CGN: variants seen among roughly 807,000 people sequenced by gnomAD.
CGN encodes cingulin.
In CGN, 121 loss-of-function variants were observed where a neutral mutation model predicts 157.1. The ratio of observed to expected loss-of-function variants is 0.77; its 90% CI spans 0.66 to 0.90. The LOEUF is 0.90. Among genes scored for constraint, CGN ranks in the 40% least tolerant of loss-of-function variants. CGN has a pLI of 0.00. For missense variants in CGN, 1,424 were observed against 1,520.9 expected (o/e 0.94, Z 1.06); for synonymous variants, 535 against 607.5 (o/e 0.88, Z 1.76).
At chr1:151,516,433 T>C (rs1032667703) in intron 1 of CGN, among the ~76,000 whole-genome samples, 3 of 152,136 alleles carry the variant, frequency 2.0e-5, no homozygotes, top group African/African-American at 7.2e-5. Flanking sequence ...TTCCATTTGC[T>C]GACTCTGAGC....
intron 1 of CGN, among the ~76,000 whole-genome samples, chr1:151,517,624 C>T (rs565040760): frequency 1.3e-5 from 2 of 151,614 alleles, no homozygotes; most frequent in Non-Finnish European, 2.9e-5. Flanking sequence ...AATTCTTCTG[C>T]TTCAGCCTCC....
chr1:151,512,833 C>A (rs1407744995), intron 1 of CGN, among the ~76,000 whole-genome samples: 3 of 152,248 alleles, frequency 2.0e-5, no homozygotes, highest in Non-Finnish European at 2.9e-5. Flanking sequence ...ATTTGCCCGA[C>A]TCTAAGAGGA....
At chr1:151,521,053 T>G (rs936317799) in intron 5 of CGN, among the ~76,000 whole-genome samples, 2 of 152,216 alleles carry the variant, frequency 1.3e-5, no homozygotes, top group African/African-American at 4.8e-5. Context: ...TTATTGAGTA[T>G]AATTTTGGTA....
rs918400696 is a variant in CGN, at chr1:151,518,628, C to T, written c.109C>T (p.Arg37Ter). Residue 37 changes from arginine to a stop codon, truncating the protein, a stop_gained, in exon 2 of 21, where the codon CGA becomes TGA. Coordinates refer to ENST00000271636, the MANE Select transcript of CGN (RefSeq NM_020770.3). LOFTEE classifies it high-confidence loss of function. ...VSGAEMGTLR[R>*]GGRRPAKDAR... is the part of the protein sequence containing the mutation. ...TGGTGCAGAGATGGGCACTCTACGT[C>T]GAGGTGGACGACGCCCAGCTAAGGA... 3.7e-6 allele frequency: 6 copies of T among 1,613,948 alleles called. No individual in the cohort carries two copies. Among genetic ancestry groups the T allele is most frequent in the East Asian group, 2.2e-5 (1 of 44,888 alleles).
intron 14 of CGN, among the ~76,000 whole-genome samples, chr1:151,533,143 A>G (rs1664876426): frequency 6.6e-6 from 1 of 152,212 alleles, no homozygotes; most frequent in African/African-American, 2.4e-5. Context: ...CAGAATTTAA[A>G]AAAACTCCTC....
intron 15 of CGN, 28 bp downstream of exon 15, chr1:151,534,164 A>G (rs762852750): frequency 1.9e-6 from 3 of 1,545,310 alleles, no homozygotes; most frequent in Non-Finnish European, 1.7e-6. Flanking sequence ...TGACCTGTGG[A>G]AAAAGGGTGG....
chr1:151,530,715 T>C lies in CGN; in HGVS notation c.2540T>C (p.Leu847Pro). Reference protein sequence around the residue: ...KAELEEQKRLLDRTVDRLNKE... With the variant: ...KAELEEQKRLPDRTVDRLNKE... ...GAGCTGGAGGAGCAGAAGCGTTTGC[T>C]GGACAGGACTGTGGACCGACTGAAC... The change falls in exon 13 of 21, where the codon CTG (leucine) becomes CCG (proline). Residue 847 changes from leucine (L) to proline (P), a missense_variant. Transcript: ENST00000271636. 1 of 1,553,304 alleles carries C rather than the reference T, an allele frequency of 6.4e-7. No individual in the cohort carries two copies. The highest frequency in any genetic ancestry group is 8.7e-7 in the Non-Finnish European group (1 of 1,147,766).
intron 1 of CGN, among the ~76,000 whole-genome samples, chr1:151,517,548 T>C (rs1238699292): frequency 2.6e-5 from 4 of 151,002 alleles, no homozygotes; most frequent in Non-Finnish European, 5.9e-5. Flanking sequence ...TTTGCTTTTG[T>C]CACCCAAGCT....
At position 151,520,221 on chromosome 1, in the gene CGN, G is replaced by T; in HGVS notation, c.929G>T (p.Ser310Ile). 1 of 1,613,872 alleles carries T rather than the reference G, an allele frequency of 6.2e-7. No individual in the cohort carries two copies. The highest frequency in any genetic ancestry group is 1.1e-5 in the South Asian group (1 of 91,064). ...RDQQEAAPPG[S>I]VDHMKATIYG... ...CAGCAGGAGGCAGCCCCACCAGGCA[G>T]TGTGGACCATATGAAGGCCACCATC... is the stretch of plus-strand genomic sequence containing the variant. Residue 310 changes from serine (S) to isoleucine (I), a missense_variant, in exon 3 of 21, where the codon AGT (serine) becomes ATT (isoleucine). Ser to Ile is a moderately radical substitution (Grantham distance 142). This residue lies in a region of CGN where 1,187 missense variants were observed against 1,217.6 expected (regional missense o/e 0.97). Coordinates refer to ENST00000271636, the MANE Select transcript of CGN (RefSeq NM_020770.3).
chr1:151,523,469 GGA>G lies in CGN; in HGVS notation c.1178_1179del (p.Glu393AlafsTer42). On this transcript the variant is annotated frameshift_variant, in exon 6 of 21. Coordinates refer to ENST00000271636, the MANE Select transcript of CGN (RefSeq NM_020770.3). LOFTEE classifies it high-confidence loss of function. Reference sequence around the variant, plus strand: ...AGCTAGAGCCATCCCAAGTTGGGCTGGAGCGGCAGCTGGAGGAGAAAACAGAA... The same window carrying G: ...AGCTAGAGCCATCCCAAGTTGGGCTGGCGGCAGCTGGAGGAGAAAACAGAA... The part of the protein sequence containing the change: ...QKLEPSQVGL[E>X]RQLEEKTEEC... 1 of 1,613,650 alleles carries G rather than the reference GGA, an allele frequency of 6.2e-7. No homozygotes were observed. The highest frequency in any genetic ancestry group is 8.5e-7 in the Non-Finnish European group (1 of 1,179,798).
intron 1 of CGN, chr1:151,515,617 G>C (rs1345125628): frequency 2.0e-5 from 3 of 152,262 alleles, no homozygotes; most frequent in African/African-American, 7.2e-5. Flanking sequence ...GGGACTACAG[G>C]TGTGTACCAC....
At chr1:151,529,218 T>C in intron 10 of CGN, 132 bp from the exon 11 acceptor site, 1 of 693,180 alleles carries the variant, frequency 1.4e-6, no homozygotes, top group Non-Finnish European at 2.4e-6. Context: ...TTTGAGAAAC[T>C]GCCAAACTAC....
intron 1 of CGN, among the ~76,000 whole-genome samples, chr1:151,513,626 C>T (rs1664348531): frequency 6.6e-6 from 1 of 152,070 alleles, no homozygotes; most frequent in Non-Finnish European, 1.5e-5. Context: ...GTCCTTCCTC[C>T]ACACACCCGA....
In CGN at chr1:151,536,039, A is replaced by G. The variant is rs77651959; in HGVS notation, c.3197+141A>G. 5 of 727,540 alleles carry G rather than the reference A, an allele frequency of 6.9e-6. No individual in the cohort carries two copies. The East Asian group carries it at 1.3e-4, about 19-fold the overall frequency. The allele number at this position is 727,540 out of a possible 1,614,324, so 45.1% of individuals were successfully genotyped here. ...GATCTTTAGGGAACACTTTCTCCTG[A>G]TAGAGAGCAAAGAGTGTTGCAGAAA... On this transcript the variant is annotated intron_variant, in intron 18 of 20. Coordinates refer to ENST00000271636, the MANE Select transcript of CGN (RefSeq NM_020770.3).
At chr1:151,534,870 A>G (rs1313006279) in intron 15 of CGN, 172 bp from the exon 16 acceptor site, 1 of 600,480 alleles carries the variant, frequency 1.7e-6, no homozygotes, top group South Asian at 2.0e-5. Context: ...ACATCTGGTC[A>G]GTAGAGGGCG....
chr1:151,534,266 AT>A, intron 15 of CGN, 130 bp downstream of exon 15: 2 of 880,556 alleles, frequency 2.3e-6, no homozygotes, highest in Non-Finnish European at 3.5e-6. Flanking sequence ...ACAACTTTGA[AT>A]CAATTGCCAA....
chr1:151,535,693 G>T lies in CGN; in HGVS notation c.3078+10G>T. The T allele has an allele frequency of 6.2e-7, 1 of 1,612,734 alleles. No homozygotes were observed. The highest frequency in any genetic ancestry group is 8.5e-7 in the Non-Finnish European group (1 of 1,178,712). ...CTCCTTGGAGAGACAGGTGATGGGG[G>T]AGGGGAGGATTCTTAGGGATGGACC... On this transcript the variant is annotated intron_variant, in intron 17 of 20. Transcript: ENST00000271636.
chr1:151,512,217 G>A (rs1356817467), intron 1 of CGN, among the ~76,000 whole-genome samples: 1 of 152,222 alleles, frequency 6.6e-6, no homozygotes, highest in African/African-American at 2.4e-5. Context: ...CTCCCCAAGA[G>A]AGGGATATGA....
chr1:151,515,798 A>G (rs1664396482), intron 1 of CGN, among the ~76,000 whole-genome samples: 1 of 152,210 alleles, frequency 6.6e-6, no homozygotes, highest in Non-Finnish European at 1.5e-5. Flanking sequence ...CTCAGGTTGC[A>G]TACATCAGGT....
Sources: gnomAD v4.1 joint callset for allele counts (sites outside exome capture counted in the v4.1 genomes callset) on GRCh38, gnomAD v4.1.1 for gene constraint, gnomAD v4.1.1 regional missense constraint, MANE v1.5 for transcripts, NCBI Gene and HGNC (gene_info 2026-07-23, HGNC 2026-07-21) for gene names.